TRMO: variants seen among roughly 807,000 people sequenced by gnomAD.
The protein encoded by TRMO is tRNA (adenine(37)-N6)-methyltransferase.
Under a neutral mutation model 37.2 loss-of-function variants are expected in TRMO, and 30 were observed. The ratio of observed to expected loss-of-function variants is 0.81; its 90% CI spans 0.60 to 1.09. The LOEUF (loss-of-function observed/expected upper bound fraction) is 1.09. Among genes scored for constraint, TRMO ranks in the 50% least tolerant of loss-of-function variants. The pLI is 0.00. For missense variants in TRMO, 552 were observed against 549.5 expected (o/e 1.00, Z -0.05); for synonymous variants, 239 against 199.4 (o/e 1.20, Z -1.67).
intron 2 of TRMO, chr9:97,915,601 T>C (rs7028759): frequency 0.94 from 142,422 of 152,296 alleles, 66,697 homozygotes; most frequent in East Asian, 1. Flanking sequence ...ATGGAACATG[T>C]CACCTCAGTG....
rs1303424058 is a variant in TRMO, at chr9:97,904,936, T to C, written c.1123A>G (p.Ile375Val). The C allele has an allele frequency of 6.2e-7, 1 of 1,614,176 alleles. No individual in the cohort carries two copies. Among genetic ancestry groups the C allele is most frequent in the Non-Finnish European group, 8.5e-7 (1 of 1,180,018 alleles). Residue 375 changes from isoleucine (I) to valine (V), a missense_variant, in exon 5 of 5, where the codon ATT (isoleucine) becomes GTT (valine). Transcript: ENST00000375119. ...GGATCCGCTGACAGCACAGCCTCAATGGCACGCTTTGCTTCCTCTGCTGAC... is the reference window on the plus strand; with the variant it reads ...GGATCCGCTGACAGCACAGCCTCAACGGCACGCTTTGCTTCCTCTGCTGAC... ...FQSAEEAKRA[I>V]EAVLSADPRS...
intron 4 of TRMO, among the ~76,000 whole-genome samples, chr9:97,905,801 G>A (rs1279974085): frequency 6.6e-6 from 1 of 152,080 alleles, no homozygotes; most frequent in Admixed American, 6.5e-5. Context: ...AAATCACTGT[G>A]GGCCATATCT....
the TRMO span, among the ~76,000 whole-genome samples, chr9:97,897,329 T>A: frequency 6.6e-6 from 1 of 151,944 alleles, no homozygotes; most frequent in Non-Finnish European, 1.5e-5. Context: ...AATCAAGGAG[T>A]GGGATCAGGG....
At chr9:97,907,397 A>G (rs1035548347) in intron 4 of TRMO, among the ~76,000 whole-genome samples, 3 of 152,334 alleles carry the variant, frequency 2.0e-5, no homozygotes, top group East Asian at 3.9e-4. Flanking sequence ...CCCAACTTTT[A>G]GACTTCTTTT....
intron 2 of TRMO, among the ~76,000 whole-genome samples, chr9:97,915,197 G>A (rs1387617652): frequency 1.3e-5 from 2 of 152,168 alleles, no homozygotes; most frequent in South Asian, 2.1e-4. Flanking sequence ...AACAAACAAT[G>A]CTAGTATAAC....
chr9:97,922,271 G>A (rs146689553), intron 1 of TRMO, 147 bp downstream of exon 1: 33 of 627,258 alleles, frequency 5.3e-5, no homozygotes, highest in Admixed American at 5.6e-5. Context: ...CGTGGTCTCC[G>A]CAGCACGTGA....
chr9:97,909,612 G>A (rs1233498578), intron 4 of TRMO, among the ~76,000 whole-genome samples: 4 of 152,158 alleles, frequency 2.6e-5, no homozygotes, highest in African/African-American at 9.7e-5. Context: ...AAAACTTTAT[G>A]TACATAAGTA....
At chr9:97,902,363 C>T (rs557630569), downstream of TRMO, among the ~76,000 whole-genome samples, 10 of 152,276 alleles carry the variant, frequency 6.6e-5, no homozygotes, top group East Asian at 7.7e-4. Flanking sequence ...TGCAGTGGCA[C>T]GATCTCGGCT....
chr9:97,910,798 TATCA>T (rs1029765192), intron 3 of TRMO, 182 bp from the exon 4 acceptor site: 11 of 675,512 alleles, frequency 1.6e-5, no homozygotes, highest in African/African-American at 1.6e-4. Context: ...CTTCTCTACC[TATCA>T]AACTCCTACT....
chr9:97,911,269 C>T (rs2131526491), intron 3 of TRMO: 1 of 169,172 alleles, frequency 5.9e-6, no homozygotes, highest in African/African-American at 2.4e-5. Context: ...GGCTGGAAGA[C>T]TCACTCGAGA....
intron 4 of TRMO, among the ~76,000 whole-genome samples, chr9:97,906,714 C>T (rs572462842): frequency 1.1e-4 from 17 of 151,874 alleles, no homozygotes; most frequent in African/African-American, 3.9e-4. Flanking sequence ...TGGTGGCTCA[C>T]GCCTGTAATC....
chr9:97,910,810 A>G lies in TRMO; in HGVS notation c.410-194T>C, dbSNP rs1826090092. 13 of 651,590 alleles carry G rather than the reference A, an allele frequency of 2.0e-5. 1 individual carries two copies. The highest frequency in any genetic ancestry group is 2.6e-4 in the Middle Eastern group (1 of 3,862). 40.4% of individuals were successfully genotyped at this position (651,590 alleles called of 1,614,324 possible). A position where few individuals can be genotyped will look rare whatever the true frequency, so the allele number is the denominator to read the frequency against. ...CCTCTTCTCTACCTATCAAACTCCT[A>G]CTTGCTCTTTGAGGCCCTCAAAAGC... On this transcript the variant is annotated intron_variant, in intron 3 of 4. Transcript: ENST00000375119.
rs746368097 is a variant in TRMO, at chr9:97,904,861, T to C, written c.1198A>G (p.Thr400Ala). The change falls in exon 5 of 5, where the codon ACT becomes GCT. Residue 400 changes from threonine to alanine, a missense_variant. Coordinates refer to ENST00000375119, the MANE Select transcript of TRMO (RefSeq NM_016481.5). ...KLCQDRLFYF[T>A]VDIAHVTCWF... ...CAAGTGACATGCGCTATGTCTACAG[T>C]AAAGTAGAAAAGGCGGTCCTGGCAA... 6.2e-7 allele frequency: 1 copy of C among 1,614,156 alleles called. No individual in the cohort carries two copies. Among genetic ancestry groups the C allele is most frequent in the Non-Finnish European group, 8.5e-7 (1 of 1,180,032 alleles).
chr9:97,921,078 A>G (rs983322306), intron 1 of TRMO, among the ~76,000 whole-genome samples: 1 of 152,222 alleles, frequency 6.6e-6, no homozygotes, highest in South Asian at 2.1e-4. Flanking sequence ...GCAGTGTGCA[A>G]CAATTTTTTT....
At chr9:97,915,932 T>C in intron 2 of TRMO, 1 of 339,010 alleles carries the variant, frequency 2.9e-6, no homozygotes, top group Non-Finnish European at 5.3e-6. Flanking sequence ...TCCCAGCTAC[T>C]CAGGAGGCTG....
At chr9:97,913,016 C>T (rs1321087657) in intron 3 of TRMO, 1 of 894,772 alleles carries the variant, frequency 1.1e-6, no homozygotes, top group Admixed American at 2.3e-5. Context: ...TATGTGTTTT[C>T]CATATGTGCA....
chr9:97,900,544 C>T (rs948455828), downstream of TRMO, among the ~76,000 whole-genome samples: 4 of 152,180 alleles, frequency 2.6e-5, no homozygotes, highest in African/African-American at 7.2e-5. Context: ...AACTGCTGAC[C>T]TTCCAATAAA....
chr9:97,898,858 T>C, the TRMO span, among the ~76,000 whole-genome samples: 1 of 144,366 alleles, frequency 6.9e-6, no homozygotes, highest in Admixed American at 6.9e-5. Context: ...TTTTTTTTTT[T>C]AGATGGAGAC....
chr9:97,912,831 T>C lies in TRMO; in HGVS notation c.409+570A>G, dbSNP rs1037937407. On this transcript the variant is annotated intron_variant, in intron 3 of 4. Coordinates refer to ENST00000375119, the MANE Select transcript of TRMO (RefSeq NM_016481.5). Reference sequence around the variant, plus strand: ...TTTCCATAAATGCGTAACTAGGTTATATACGAACACACAGTTAAAACTAGT... The same window carrying C: ...TTTCCATAAATGCGTAACTAGGTTACATACGAACACACAGTTAAAACTAGT... The C allele has an allele frequency of 7.0e-6, 6 of 860,498 alleles. No homozygotes were observed. In the African/African-American group the frequency reaches 1.0e-4, roughly 15 times the overall value. 53.3% of individuals were successfully genotyped at this position (860,498 alleles called of 1,614,324 possible). A position where few individuals can be genotyped will look rare whatever the true frequency, so the allele number is the denominator to read the frequency against.
Sources: gnomAD v4.1 joint callset for allele counts (sites outside exome capture counted in the v4.1 genomes callset) on GRCh38, gnomAD v4.1.1 for gene constraint, MANE v1.5 for transcripts, NCBI Gene and HGNC (gene_info 2026-07-23, HGNC 2026-07-21) for gene names.